Variants in TMEM178B observed in about 807,000 individuals in gnomAD.
TMEM178B encodes transmembrane protein 178B.
Under a neutral mutation model 31.0 loss-of-function variants are expected in TMEM178B, and 5 were observed. That is an observed-to-expected ratio of 0.16 (90% confidence interval 0.08 to 0.34). TMEM178B has a LOEUF of 0.34. Ranked by LOEUF, TMEM178B falls within the 10% of genes least tolerant of loss-of-function variation. The probability of loss-of-function intolerance (pLI) is 1.00; values close to 1 mark genes in which losing one functional copy is unlikely to be tolerated. For synonymous variants in TMEM178B, 164 were observed against 164.0 expected, an observed-to-expected ratio of 1.00 and a Z score of 0.00; for missense variants, 275 against 400.3, an observed-to-expected ratio of 0.69 and a Z score of 2.67.
rs117625316 is a variant in TMEM178B at position 141,325,653 on chromosome 7, G to A, written c.497-111955G>A. Among the ~76,000 whole-genome samples, 375 of 152,256 alleles carry A rather than the reference G, an allele frequency of 2.5e-3. 1 individual carries two copies. The highest frequency in any genetic ancestry group is 4.7e-3 in the Non-Finnish European group (319 of 68,020). On this transcript the variant is annotated intron_variant, in intron 2 of 3. Transcript: ENST00000565468. ...CCTGGACTTCTTGGGAAGGCCACAG[G>A]GGATCTTTTTCTTTACACTGGTCCA... is the stretch of plus-strand genomic sequence containing the variant.
chr7:141,508,071 T>A, the TMEM178B span, among the ~76,000 whole-genome samples: 5 of 152,216 alleles, frequency 3.3e-5, no homozygotes, highest in Non-Finnish European at 7.3e-5. Context: ...CTGCAAATTT[T>A]CTGAACTTTA....
intron 2 of TMEM178B, among the ~76,000 whole-genome samples, chr7:141,301,138 T>C (rs932836587): frequency 2.6e-5 from 4 of 152,198 alleles, no homozygotes; most frequent in African/African-American, 9.7e-5. Flanking sequence ...GAAAGAATGC[T>C]CCACCACCCA....
chr7:141,281,020 C>T (rs1055164451), intron 2 of TMEM178B, among the ~76,000 whole-genome samples: 11 of 152,144 alleles, frequency 7.2e-5, no homozygotes, highest in African/African-American at 1.2e-4. Flanking sequence ...CTTTTGATGA[C>T]GGAGCCCCCT....
chr7:141,449,700 C>T (rs368864410), intron 3 of TMEM178B, among the ~76,000 whole-genome samples: 4 of 152,132 alleles, frequency 2.6e-5, no homozygotes, highest in Admixed American at 6.5e-5. Flanking sequence ...TGGCCCAGAT[C>T]GAGAGCTGGG....
chr7:141,473,621 A>G lies in TMEM178B; in HGVS notation c.*2835A>G, dbSNP rs1390194041. On this transcript the variant is annotated 3_prime_UTR_variant, in exon 4 of 4. Coordinates refer to ENST00000565468, the MANE Select transcript of TMEM178B (RefSeq NM_001195278.2). ...CTTTGAAACCTTGAGAGTTCCTGAA[A>G]TGTTAGAAAGCTCCCAGGAAAGACG... 1 of 152,218 alleles carries G rather than the reference A, an allele frequency of 6.6e-6. No homozygotes were observed. The highest frequency in any genetic ancestry group is 1.9e-4 in the East Asian group (1 of 5,196). The allele number at this position is 152,218 out of a possible 1,614,324, so 9.4% of individuals were successfully genotyped here.
intron 1 of TMEM178B, among the ~76,000 whole-genome samples, chr7:141,207,075 T>C (rs2366078): frequency 0.65 from 98,546 of 152,072 alleles, 32,481 homozygotes; most frequent in Non-Finnish European, 0.7. Flanking sequence ...TAGCATAATG[T>C]CTAGGTTAAT....
intron 2 of TMEM178B, among the ~76,000 whole-genome samples, chr7:141,256,729 T>C (rs1188577990): frequency 1.3e-5 from 2 of 152,136 alleles, no homozygotes; most frequent in Non-Finnish European, 2.9e-5. Context: ...TGGGAGGATA[T>C]TGTACTTAGC....
rs544621588 is a variant in TMEM178B, at chr7:141,170,435, C to T, written c.383-42156C>T. Among the ~76,000 whole-genome samples, 9 of 152,160 alleles carry T rather than the reference C, an allele frequency of 5.9e-5. 1 individual carries two copies. Among genetic ancestry groups the T allele is most frequent in the Middle Eastern group, 6.8e-3 (2 of 294 alleles). On this transcript the variant is annotated intron_variant, in intron 1 of 3. Transcript: ENST00000565468. ...AGTTTTTTATTGAGTGTGTTGTGAC[C>T]GGCCATGAGATCATGGGTAAGTGAC...
At chr7:141,265,944 C>T (rs1177370619) in intron 2 of TMEM178B, among the ~76,000 whole-genome samples, 1 of 152,172 alleles carries the variant, frequency 6.6e-6, no homozygotes, top group Non-Finnish European at 1.5e-5. Flanking sequence ...TGGGCTGGAG[C>T]TCACCCTCAT....
intron 2 of TMEM178B, among the ~76,000 whole-genome samples, chr7:141,241,170 C>T (rs1185439017): frequency 1.3e-5 from 2 of 151,740 alleles, no homozygotes; most frequent in Non-Finnish European, 2.9e-5. Context: ...CTAGCCCCCT[C>T]CCATCCTCCC....
chr7:141,225,978 G>T (rs113334231), intron 2 of TMEM178B, among the ~76,000 whole-genome samples: 2,603 of 152,162 alleles, frequency 0.017, 79 homozygotes, highest in African/African-American at 0.059. Flanking sequence ...TTGGGCGCCT[G>T]GCACCAAATT....
chr7:141,104,449 G>A (rs1410153985), intron 1 of TMEM178B, among the ~76,000 whole-genome samples: 5 of 152,142 alleles, frequency 3.3e-5, no homozygotes, highest in Admixed American at 3.3e-4. Flanking sequence ...TTCTTTCTAG[G>A]GCTAAAAATG....
At position 141,231,457 on chromosome 7, in the gene TMEM178B, G is replaced by GA. The variant is rs200081588; in HGVS notation, c.496+18762dup. On this transcript the variant is annotated intron_variant, in intron 2 of 3. Coordinates refer to ENST00000565468, the MANE Select transcript of TMEM178B (RefSeq NM_001195278.2). ...ATTGCAGTTACTCAGTATGTAACCT[G>GA]AAAAAAAAATTGCTGATGCCTCAGA... 3.3e-5 allele frequency among the ~76,000 whole-genome samples: 5 copies of GA among 151,774 alleles called. No homozygotes were observed. In the South Asian group the frequency reaches 6.3e-4, roughly 19 times the overall value.
In TMEM178B at chr7:141,273,925, C is replaced by T. The variant is rs544926494; in HGVS notation, c.496+61221C>T. On this transcript the variant is annotated intron_variant, in intron 2 of 3. Transcript: ENST00000565468. ...CTCTAAAGATGACTTACATCTCCTACTCCTAGGTTTCTTCCTCACTGAGCC... is the reference window on the plus strand; with the variant it reads ...CTCTAAAGATGACTTACATCTCCTATTCCTAGGTTTCTTCCTCACTGAGCC... 1.1e-4 allele frequency among the ~76,000 whole-genome samples: 16 copies of T among 152,370 alleles called. No homozygotes were observed. The East Asian group carries it at 2.1e-3, about 20-fold the overall frequency.
At chr7:141,198,154 T>C (rs1051437547) in intron 1 of TMEM178B, among the ~76,000 whole-genome samples, 5 of 152,234 alleles carry the variant, frequency 3.3e-5, no homozygotes, top group Admixed American at 6.5e-5. Flanking sequence ...CATTTTTTTT[T>C]CCCTAGCTGA....
intron 3 of TMEM178B, among the ~76,000 whole-genome samples, chr7:141,469,723 G>T (rs1033292290): frequency 6.6e-6 from 1 of 152,252 alleles, no homozygotes; most frequent in East Asian, 1.9e-4. Context: ...AGTTTAAAAT[G>T]GGTTTATAAT....
At chr7:141,263,498 GGTC>G (rs1262516942) in intron 2 of TMEM178B, among the ~76,000 whole-genome samples, 1 of 151,760 alleles carries the variant, frequency 6.6e-6, no homozygotes, top group Non-Finnish European at 1.5e-5. Flanking sequence ...TGTACATGGA[GGTC>G]AGAGGACAGA....
At chr7:141,254,851 T>C (rs933347547) in intron 2 of TMEM178B, among the ~76,000 whole-genome samples, 3 of 152,220 alleles carry the variant, frequency 2.0e-5, no homozygotes, top group Non-Finnish European at 2.9e-5. Flanking sequence ...GTGACCCCCA[T>C]TTTAACAGCA....
At position 141,157,602 on chromosome 7, in the gene TMEM178B, G is replaced by C. The variant is rs186441724; in HGVS notation, c.383-54989G>C. Among the ~76,000 whole-genome samples the C allele has an allele frequency of 1.9e-3, 296 of 152,196 alleles. 5 individuals are homozygous for C. Among genetic ancestry groups the C allele is most frequent in the African/African-American group, 6.8e-3 (284 of 41,522 alleles). On this transcript the variant is annotated intron_variant, in intron 1 of 3. Transcript: ENST00000565468. ...GCTTCCTCATCTCTCTCAGCAGCCC[G>C]ACCCCAGGTCCTGTCGCTGGCAGTC...
Sources: allele counts gnomAD v4.1 joint callset (sites outside exome capture counted in the v4.1 genomes callset), GRCh38; gene constraint gnomAD v4.1.1; transcripts MANE v1.5; gene names NCBI Gene and HGNC (gene_info 2026-07-23, HGNC 2026-07-21).